The following NECAB2 variants were observed in gnomAD, a reference collection of about 807,000 sequenced individuals.
The protein encoded by NECAB2 is N-terminal EF-hand calcium-binding protein 2.
NECAB2 carries 68 observed loss-of-function variants against 51.9 expected under a neutral mutation model. The observed-to-expected ratio is 1.31, with a 90% CI of 1.08 to 1.60. The LOEUF is 1.60. NECAB2 is among the 40% of genes most tolerant of loss of function. The pLI, the probability that NECAB2 is intolerant of heterozygous loss-of-function variation, is 0.00. For synonymous variants in NECAB2, 329 were observed against 203.5 expected (o/e 1.62, Z -5.25); for missense variants, 854 against 490.3 (o/e 1.74, Z -7.00).
chr16:83,990,403 C>A, intron 5 of NECAB2, 91 bp from the exon 6 acceptor site: 2 of 1,510,174 alleles, frequency 1.3e-6, no homozygotes, highest in East Asian at 2.3e-5. Context: ...AATTCACCAG[C>A]ACCAGCTTTC....
chr16:83,974,150 G>A (rs761758391), intron 2 of NECAB2, among the ~76,000 whole-genome samples: 2 of 152,224 alleles, frequency 1.3e-5, no homozygotes, highest in East Asian at 1.9e-4. Flanking sequence ...CTATGTGACC[G>A]TTAGGGGCTG....
chr16:83,998,053 T>C, intron 9 of NECAB2, 152 bp from the exon 10 acceptor site: 2 of 678,102 alleles, frequency 2.9e-6, no homozygotes, highest in Non-Finnish European at 4.9e-6. Flanking sequence ...AGCCCATTTT[T>C]AGTCCATTCT....
At chr16:83,997,663 G>C (rs1389906006) in intron 9 of NECAB2, among the ~76,000 whole-genome samples, 1 of 151,244 alleles carries the variant, frequency 6.6e-6, no homozygotes, top group Non-Finnish European at 1.5e-5. Context: ...AATTTTTTTG[G>C]TATTTTTAGT....
At chr16:83,997,341 C>T in intron 9 of NECAB2, 72 bp downstream of exon 9, 3 of 1,587,186 alleles carry the variant, frequency 1.9e-6, no homozygotes, top group Non-Finnish European at 1.7e-6. Context: ...ATCCAAGTGG[C>T]TCAATGCCCC....
At chr16:83,990,720 C>T (rs2084613061) in intron 6 of NECAB2, 90 bp downstream of exon 6, 11 of 1,529,492 alleles carry the variant, frequency 7.2e-6, no homozygotes, top group Admixed American at 1.9e-5. Flanking sequence ...GTCTGTGTAC[C>T]TAAGAGCTGG....
intron 3 of NECAB2, 105 bp from the exon 4 acceptor site, chr16:83,980,734 G>T: frequency 7.0e-7 from 1 of 1,434,764 alleles, no homozygotes; most frequent in South Asian, 1.2e-5. Context: ...CCAGCACACA[G>T]GCTGCAAAGA....
intron 10 of NECAB2, among the ~76,000 whole-genome samples, chr16:83,999,020 G>A (rs866903450): frequency 2.6e-5 from 4 of 152,268 alleles, no homozygotes; most frequent in Middle Eastern, 3.4e-3. Flanking sequence ...TCCCTTCCCA[G>A]GGCTTTCTTC....
upstream of NECAB2, among the ~76,000 whole-genome samples, chr16:83,968,074 T>C (rs1258921148): frequency 2.6e-5 from 4 of 151,558 alleles, no homozygotes; most frequent in Non-Finnish European, 5.9e-5. Context: ...GGGTGAAGAC[T>C]GGTTCTGGGC....
At chr16:83,991,352 C>A (rs900282965) in intron 6 of NECAB2, among the ~76,000 whole-genome samples, 1 of 142,148 alleles carries the variant, frequency 7.0e-6, no homozygotes, top group African/African-American at 2.9e-5. Context: ...TTTTCTATTT[C>A]CTTTTCTTTT....
In NECAB2 at chr16:83,990,403, C is replaced by T. The variant is rs143563687; in HGVS notation, c.460-91C>T. 3.4e-4 allele frequency: 510 copies of T among 1,510,170 alleles called. 1 individual carries two copies. The African/African-American group carries it at 6.5e-3, about 19-fold the overall frequency. 93.5% of individuals were successfully genotyped at this position (1,510,170 alleles called of 1,614,324 possible). On this transcript the variant is annotated intron_variant, in intron 5 of 12. Coordinates refer to ENST00000305202, the MANE Select transcript of NECAB2 (RefSeq NM_019065.3). ...TCCCTTTGCAAAGCAAATTCACCAG[C>T]ACCAGCTTTCCCCCAACTCCTGTGC...
rs761522763 is a variant in NECAB2 at position 83,994,566 on chromosome 16, C to A, written c.716-43C>A. On this transcript the variant is annotated intron_variant, in intron 7 of 12. Transcript: ENST00000305202. ...TCCAGCTTCCCCCCGAAGCCCTCGT[C>A]CTGCCCACCACTGAAGTCTGTGTGT... is the stretch of plus-strand genomic sequence containing the variant. 1.9e-6 allele frequency: 3 copies of A among 1,612,362 alleles called. No homozygotes were observed. In the African/African-American group the frequency reaches 4.0e-5, roughly 22 times the overall value.
intron 10 of NECAB2, 116 bp from the exon 11 acceptor site, chr16:84,000,608 A>T (rs912924362): frequency 8.0e-6 from 6 of 746,850 alleles, no homozygotes; most frequent in Non-Finnish European, 1.1e-5. Flanking sequence ...GACAGGAAGA[A>T]ACATTGAAGG....
At chr16:83,965,629 C>G, upstream of NECAB2, 1 of 1,613,256 alleles carries the variant, frequency 6.2e-7, no homozygotes, top group Middle Eastern at 1.6e-4. Flanking sequence ...TCCTGTCGCC[C>G]AGCCCCTATG....
At position 83,968,558 on chromosome 16, in the gene NECAB2, G is replaced by A; in HGVS notation, c.-91G>A. 1.1e-6 allele frequency: 1 copy of A among 940,420 alleles called. No individual in the cohort carries two copies. Among genetic ancestry groups the A allele is most frequent in the Non-Finnish European group, 1.3e-6 (1 of 791,948 alleles). 58.3% of individuals were successfully genotyped at this position (940,420 alleles called of 1,614,324 possible). A position where few individuals can be genotyped will look rare whatever the true frequency, so the allele number is the denominator to read the frequency against. On this transcript the variant is annotated 5_prime_UTR_variant, in exon 1 of 13. Coordinates refer to ENST00000305202, the MANE Select transcript of NECAB2 (RefSeq NM_019065.3). ...GCAGCGGGAGAGAGGGCGGGGCGGC[G>A]CGGGCAGCGCGGGGAGGGGGTCGCG...
rs529947444 is a variant in NECAB2, at chr16:83,976,329, A to T, written c.227-2115A>T. On this transcript the variant is annotated intron_variant, in intron 2 of 12. Coordinates refer to ENST00000305202, the MANE Select transcript of NECAB2 (RefSeq NM_019065.3). Reference sequence around the variant, plus strand: ...AAGCTTCAGCTGTAGGACCTAGGCAAGTACCCTAAGGGCTCTGTGCCTCAG... The same window carrying T: ...AAGCTTCAGCTGTAGGACCTAGGCATGTACCCTAAGGGCTCTGTGCCTCAG... 8.2e-4 allele frequency among the ~76,000 whole-genome samples: 125 copies of T among 152,346 alleles called. 2 individuals are homozygous for T. Among genetic ancestry groups the T allele is most frequent in the African/African-American group, 2.7e-3 (113 of 41,590 alleles).
chr16:83,965,830 G>T, upstream of NECAB2: 1 of 1,613,028 alleles, frequency 6.2e-7, no homozygotes, highest in South Asian at 1.1e-5. Flanking sequence ...CTGACCAGCC[G>T]CTGAGCGCCA....
At chr16:83,997,157 G>C in intron 8 of NECAB2, 59 bp from the exon 9 acceptor site, 1 of 1,608,736 alleles carries the variant, frequency 6.2e-7, no homozygotes, top group Non-Finnish European at 8.5e-7. Flanking sequence ...AGAGCTCCTG[G>C]CTCCCCGGGG....
At chr16:83,965,963 G>A (rs953802426), upstream of NECAB2, 5 of 1,607,498 alleles carry the variant, frequency 3.1e-6, no homozygotes, top group Admixed American at 5.1e-5. Context: ...CGCCTTGGCT[G>A]TGGCCAGCTC....
chr16:83,985,176 G>T (rs921971572), intron 5 of NECAB2, among the ~76,000 whole-genome samples: 1 of 151,734 alleles, frequency 6.6e-6, no homozygotes, highest in Non-Finnish European at 1.5e-5. Context: ...AGCCGAGCGT[G>T]GTGGCAGGCG....
Sources: gnomAD v4.1 joint callset for allele counts (sites outside exome capture counted in the v4.1 genomes callset) on GRCh38, gnomAD v4.1.1 for gene constraint, MANE v1.5 for transcripts, NCBI Gene and HGNC (gene_info 2026-07-23, HGNC 2026-07-21) for gene names.